The following CSMD3 variants were observed in gnomAD, a reference collection of about 807,000 sequenced individuals.
CSMD3 encodes the protein CUB and Sushi multiple domains 3, also known as CUB and sushi domain-containing protein 3.
In CSMD3, 177 loss-of-function variants were observed where a neutral mutation model predicts 435.2. The ratio of observed to expected loss-of-function variants is 0.41; its 90% CI spans 0.36 to 0.46. CSMD3 has a LOEUF of 0.46. Among genes scored for constraint, CSMD3 ranks in the 20% least tolerant of loss-of-function variants. CSMD3 has a pLI of 0.34. For missense variants in CSMD3, 4,265 were observed against 4,504.6 expected (o/e 0.95, Z 1.52); for synonymous variants, 1,656 against 1,520.5 (o/e 1.09, Z -2.07).
chr8:113,401,297 A>AT (rs1190487440), intron 1 of CSMD3, among the ~76,000 whole-genome samples: 4 of 151,740 alleles, frequency 2.6e-5, no homozygotes, highest in Non-Finnish European at 5.9e-5. Context: ...ATTCCAAGAG[A>AT]TAAATTAAAG....
At chr8:112,616,169 T>C (rs1833646301) in intron 22 of CSMD3, among the ~76,000 whole-genome samples, 1 of 152,160 alleles carries the variant, frequency 6.6e-6, no homozygotes, top group South Asian at 2.1e-4. Flanking sequence ...GAAATCAGTA[T>C]AATTACAGTG....
chr8:112,668,828 G>A (rs146144686), intron 16 of CSMD3, among the ~76,000 whole-genome samples: 1 of 151,334 alleles, frequency 6.6e-6, no homozygotes, highest in East Asian at 2.0e-4. Context: ...AGTGACTCTC[G>A]GGCACATGAG....
At chr8:113,280,068 T>C (rs958552730) in intron 2 of CSMD3, among the ~76,000 whole-genome samples, 23 of 151,984 alleles carry the variant, frequency 1.5e-4, no homozygotes, top group Admixed American at 4.6e-4. Context: ...TTCGGTTAGC[T>C]AGTATTTTGT....
At chr8:113,434,531 G>A (rs1258877490) in intron 1 of CSMD3, among the ~76,000 whole-genome samples, 1 of 152,156 alleles carries the variant, frequency 6.6e-6, no homozygotes. Flanking sequence ...AAATTTCTCA[G>A]AATTTGGGGA....
At chr8:112,776,216 T>C (rs1364895027) in intron 13 of CSMD3, among the ~76,000 whole-genome samples, 2 of 151,862 alleles carry the variant, frequency 1.3e-5, no homozygotes, top group Non-Finnish European at 2.9e-5. Flanking sequence ...ATAATTTACA[T>C]TGTGAAAGGA....
chr8:112,760,840 G>A (rs1247202025), intron 13 of CSMD3, among the ~76,000 whole-genome samples: 1 of 152,122 alleles, frequency 6.6e-6, no homozygotes, highest in Non-Finnish European at 1.5e-5. Flanking sequence ...GGGTTTTCTA[G>A]TTCAAATGCA....
rs1024346428 is a variant in CSMD3 at position 112,369,423 on chromosome 8, A to G, written c.6136+10929T>C. On this transcript the variant is annotated intron_variant, in intron 38 of 70. Coordinates refer to ENST00000297405, the MANE Select transcript of CSMD3 (RefSeq NM_198123.2). Reference sequence around the variant, plus strand: ...TTAACAAAAGAACATATTACAAACTAGCACATTTGGTGCAAGTAGCTTGTT... The same window carrying G: ...TTAACAAAAGAACATATTACAAACTGGCACATTTGGTGCAAGTAGCTTGTT... 3.3e-5 allele frequency among the ~76,000 whole-genome samples: 5 copies of G among 152,336 alleles called. No individual in the cohort carries two copies. The East Asian group carries it at 9.6e-4, about 29-fold the overall frequency.
chr8:112,538,611 T>C (rs1470113791), intron 27 of CSMD3, among the ~76,000 whole-genome samples: 1 of 151,828 alleles, frequency 6.6e-6, no homozygotes, highest in Non-Finnish European at 1.5e-5. Flanking sequence ...AGCTACAAAA[T>C]ATATAAAATA....
intron 3 of CSMD3, among the ~76,000 whole-genome samples, chr8:113,242,867 T>G (rs775250283): frequency 2.6e-5 from 4 of 151,932 alleles, no homozygotes; most frequent in Non-Finnish European, 4.4e-5. Context: ...TAATATTTAC[T>G]AACTTACTAG....
At chr8:112,417,885 TATC>T (rs952636467) in intron 32 of CSMD3, among the ~76,000 whole-genome samples, 1 of 152,140 alleles carries the variant, frequency 6.6e-6, no homozygotes, top group African/African-American at 2.4e-5. Flanking sequence ...AATTAGAAAA[TATC>T]ATAAATTCCT....
At chr8:113,029,097 T>C (rs2131225872) in intron 5 of CSMD3, among the ~76,000 whole-genome samples, 1 of 151,660 alleles carries the variant, frequency 6.6e-6, no homozygotes, top group Admixed American at 6.6e-5. Context: ...TCATTTATTA[T>C]TCAAAAATCC....
At chr8:113,416,741 C>T (rs1171276707) in intron 1 of CSMD3, among the ~76,000 whole-genome samples, 1 of 152,106 alleles carries the variant, frequency 6.6e-6, no homozygotes, top group African/African-American at 2.4e-5. Context: ...AATTATAAAG[C>T]TTTCACTTGG....
chr8:113,394,712 GA>G (rs911293107), intron 1 of CSMD3, among the ~76,000 whole-genome samples: 2 of 151,938 alleles, frequency 1.3e-5, no homozygotes, highest in Non-Finnish European at 2.9e-5. Context: ...CCTACCAAGT[GA>G]AAAGAATTTT....
At chr8:112,617,029 C>G (rs1478833306) in intron 22 of CSMD3, among the ~76,000 whole-genome samples, 1 of 152,144 alleles carries the variant, frequency 6.6e-6, no homozygotes, top group African/African-American at 2.4e-5. Context: ...AGAACATTCT[C>G]TCAAGAATTG....
chr8:112,750,413 C>A (rs929022424), intron 13 of CSMD3, among the ~76,000 whole-genome samples: 1 of 151,900 alleles, frequency 6.6e-6, no homozygotes, highest in African/African-American at 2.4e-5. Context: ...AAAATCCCTG[C>A]TTTCATATGC....
intron 17 of CSMD3, among the ~76,000 whole-genome samples, chr8:112,657,680 G>A (rs2131668089): frequency 6.6e-6 from 1 of 152,236 alleles, no homozygotes; most frequent in African/African-American, 2.4e-5. Flanking sequence ...AACTCATGGA[G>A]TACTAAAATA....
rs552272953 is a variant in CSMD3 at position 112,506,338 on chromosome 8, C to A, written c.4895+353G>T. On this transcript the variant is annotated intron_variant, in intron 29 of 70. Coordinates refer to ENST00000297405, the MANE Select transcript of CSMD3 (RefSeq NM_198123.2). ...AAAGGAATTGTGCTACTAGAGTCAA[C>A]ATAACTGATTACATCAACCTTAGAT... Among the ~76,000 whole-genome samples, 6 of 152,208 alleles carry A rather than the reference C, an allele frequency of 3.9e-5. No individual in the cohort carries two copies. In the South Asian group the frequency reaches 1.0e-3, roughly 26 times the overall value.
At chr8:112,703,644 TAA>T in intron 13 of CSMD3, among the ~76,000 whole-genome samples, 1 of 152,286 alleles carries the variant, frequency 6.6e-6, no homozygotes, top group Admixed American at 6.5e-5. Flanking sequence ...CTGTGTAGGT[TAA>T]AAGAGAGTGA....
At chr8:113,306,859 G>C (rs192911540) in intron 2 of CSMD3, among the ~76,000 whole-genome samples, 88 of 152,144 alleles carry the variant, frequency 5.8e-4, no homozygotes, top group African/African-American at 1.9e-3. Context: ...TCTAATTTCT[G>C]TTCCTTAATT....
Sources: allele counts gnomAD v4.1 joint callset (sites outside exome capture counted in the v4.1 genomes callset), GRCh38; gene constraint gnomAD v4.1.1; transcripts MANE v1.5; gene names NCBI Gene and HGNC (gene_info 2026-07-23, HGNC 2026-07-21).